Variants in ZFYVE28 observed in about 807,000 individuals in gnomAD.
ZFYVE28 encodes lateral signaling target protein 2 homolog.
In ZFYVE28, 40 loss-of-function variants were observed where a neutral mutation model predicts 82.1. The ratio of observed to expected loss-of-function variants is 0.49; its 90% CI spans 0.38 to 0.63. ZFYVE28 has a LOEUF of 0.63. ZFYVE28 is among the 30% of genes least tolerant of loss of function. The pLI is 0.00. For missense variants in ZFYVE28, 1,321 were observed against 1,242.1 expected (o/e 1.06, Z -0.96); for synonymous variants, 612 against 546.1 (o/e 1.12, Z -1.68).
intron 7 of ZFYVE28, among the ~76,000 whole-genome samples, chr4:2,305,958 C>T (rs1716508213): frequency 6.6e-6 from 1 of 152,348 alleles, no homozygotes; most frequent in South Asian, 2.1e-4. Context: ...GAGCTGGGTA[C>T]CAGGACACGA....
intron 1 of ZFYVE28, among the ~76,000 whole-genome samples, chr4:2,373,689 C>T (rs562631330): frequency 9.2e-5 from 14 of 152,220 alleles, no homozygotes; most frequent in Non-Finnish European, 1.8e-4. Flanking sequence ...CAAACATGCA[C>T]TCGTATGCCC....
rs1373327861 is a variant in ZFYVE28 at position 2,409,137 on chromosome 4, A to G, written c.39+9148T>C. Among the ~76,000 whole-genome samples the G allele has an allele frequency of 1.4e-5, 2 of 146,508 alleles. No homozygotes were observed. Among genetic ancestry groups the G allele is most frequent in the Non-Finnish European group, 3.0e-5 (2 of 66,870 alleles). ...GTGGAGTTGCATGGCCATCAAACAC[A>G]CTGTCCAAACCCCTACTTCTGCACC... On this transcript the variant is annotated intron_variant, in intron 1 of 12. Transcript: ENST00000290974. The surrounding 1 kb of genome is among the most constrained non-coding windows in gnomAD (Gnocchi z 4.4).
Position 2,283,515 on chromosome 4 carries a change from C to T in ZFYVE28, c.2052-9299G>A, listed in dbSNP as rs1424239673. On this transcript the variant is annotated intron_variant, in intron 8 of 12. Coordinates refer to ENST00000290974, the MANE Select transcript of ZFYVE28 (RefSeq NM_020972.3). ...TTTGCCATCCATCCATCCACCCACC[C>T]ATCCATCTAATCATCAGTCCATCCA... 3.3e-5 allele frequency among the ~76,000 whole-genome samples: 5 copies of T among 151,474 alleles called. No individual in the cohort carries two copies. In the East Asian group the frequency reaches 9.7e-4, roughly 30 times the overall value.
At chr4:2,278,219 C>CTTTTTTT (rs58136968) in intron 8 of ZFYVE28, among the ~76,000 whole-genome samples, 1 of 136,938 alleles carries the variant, frequency 7.3e-6, no homozygotes, top group African/African-American at 2.8e-5. Context: ...AAGATTCTCT[C>CTTTTTTT]TTTTTTTTTT....
rs1452215433 is a variant in ZFYVE28 at position 2,332,034 on chromosome 4, G to A, written c.701+3671C>T. Among the ~76,000 whole-genome samples, 2 of 152,216 alleles carry A rather than the reference G, an allele frequency of 1.3e-5. No individual in the cohort carries two copies. Among genetic ancestry groups the A allele is most frequent in the Non-Finnish European group, 2.9e-5 (2 of 68,026 alleles). On this transcript the variant is annotated intron_variant, in intron 6 of 12. Coordinates refer to ENST00000290974, the MANE Select transcript of ZFYVE28 (RefSeq NM_020972.3). This position sits in a 1 kb window ranked among gnomAD's most constrained non-coding sequence, Gnocchi z 4.7. ...ACTGGGAGCCCCTCAGAAGGGGACGGGAGCCTGGCCCGCAGCTCATGCTTG... is the reference window on the plus strand; with the variant it reads ...ACTGGGAGCCCCTCAGAAGGGGACGAGAGCCTGGCCCGCAGCTCATGCTTG...
At chr4:2,383,079 G>C (rs982423416) in intron 1 of ZFYVE28, among the ~76,000 whole-genome samples, 1 of 152,080 alleles carries the variant, frequency 6.6e-6, no homozygotes. Context: ...CGACTTTGGC[G>C]GGGAAACAGC....
chr4:2,401,764 A>G (rs1030498453), intron 1 of ZFYVE28, among the ~76,000 whole-genome samples: 1 of 152,336 alleles, frequency 6.6e-6, no homozygotes, highest in Admixed American at 6.5e-5. Context: ...GGTGCAGAGC[A>G]GAGGCCACAG....
intron 1 of ZFYVE28, among the ~76,000 whole-genome samples, chr4:2,380,299 C>T (rs1401916276): frequency 6.6e-6 from 1 of 152,096 alleles, no homozygotes; most frequent in African/African-American, 2.4e-5. Flanking sequence ...GCTGTTCCTG[C>T]GTTTTGACTT....
chr4:2,300,248 GA>G lies in ZFYVE28; in HGVS notation c.2051+4040del, dbSNP rs1172164207. On this transcript the variant is annotated intron_variant, in intron 8 of 12. Coordinates refer to ENST00000290974, the MANE Select transcript of ZFYVE28 (RefSeq NM_020972.3). This position sits in a 1 kb window ranked among gnomAD's most constrained non-coding sequence, Gnocchi z 4.6. Reference sequence around the variant, plus strand: ...AAGGAACAGACAACCAGCCTGAGTGGACTTTCTGTCATCTAGACAAGTAACT... The same window carrying G: ...AAGGAACAGACAACCAGCCTGAGTGGCTTTCTGTCATCTAGACAAGTAACT... Among the ~76,000 whole-genome samples the G allele has an allele frequency of 6.6e-6, 1 of 152,184 alleles. No homozygotes were observed. Among genetic ancestry groups the G allele is most frequent in the Non-Finnish European group, 1.5e-5 (1 of 68,018 alleles).
At chr4:2,392,471 A>C (rs557015012) in intron 1 of ZFYVE28, among the ~76,000 whole-genome samples, 3 of 152,338 alleles carry the variant, frequency 2.0e-5, no homozygotes, top group African/African-American at 7.2e-5. Flanking sequence ...ATCATGTTAC[A>C]TTACGTCTTC....
intron 1 of ZFYVE28, among the ~76,000 whole-genome samples, chr4:2,393,928 G>A (rs1730110501): frequency 1.3e-5 from 2 of 152,246 alleles, no homozygotes; most frequent in Non-Finnish European, 2.9e-5. Flanking sequence ...CTGGAGGACA[G>A]AATTCCAGCC....
At chr4:2,393,086 G>A (rs536895426) in intron 1 of ZFYVE28, among the ~76,000 whole-genome samples, 1 of 152,314 alleles carries the variant, frequency 6.6e-6, no homozygotes, top group African/African-American at 2.4e-5. Flanking sequence ...CCCCTCCTTT[G>A]AGGACGCTGT....
At chr4:2,331,258 G>A (rs942830810) in intron 6 of ZFYVE28, among the ~76,000 whole-genome samples, 5 of 152,046 alleles carry the variant, frequency 3.3e-5, no homozygotes, top group Admixed American at 6.6e-5. Context: ...AAGCCGCAGC[G>A]AGGCGGGCAG....
intron 6 of ZFYVE28, among the ~76,000 whole-genome samples, chr4:2,334,357 C>G (rs1161084090): frequency 6.6e-6 from 1 of 152,016 alleles, no homozygotes; most frequent in Admixed American, 6.5e-5. Flanking sequence ...CCATTGCTCC[C>G]CACTCCAACA....
intron 1 of ZFYVE28, among the ~76,000 whole-genome samples, chr4:2,377,110 C>T (rs1230586579): frequency 6.6e-6 from 1 of 151,924 alleles, no homozygotes; most frequent in Non-Finnish European, 1.5e-5. Context: ...CAAGCTCCAC[C>T]TCCCGGGTTC....
chr4:2,384,607 A>T (rs1245653317), intron 1 of ZFYVE28, among the ~76,000 whole-genome samples: 1 of 152,128 alleles, frequency 6.6e-6, no homozygotes, highest in Non-Finnish European at 1.5e-5. Flanking sequence ...GGGGGAGCAG[A>T]AGCACAGAGG....
intron 7 of ZFYVE28, chr4:2,306,972 G>C (rs1031050509): frequency 6.6e-6 from 1 of 152,278 alleles, no homozygotes; most frequent in Non-Finnish European, 1.5e-5. Context: ...GCACACATGG[G>C]GTGGGACTGC....
chr4:2,398,537 A>C (rs936495240), intron 1 of ZFYVE28, among the ~76,000 whole-genome samples: 8 of 152,180 alleles, frequency 5.3e-5, no homozygotes, highest in Non-Finnish European at 1.0e-4. Context: ...GAAGCTCTTG[A>C]GAAGGAAAAT....
rs1026129700 is a variant in ZFYVE28, at chr4:2,341,356, C to T, written c.318+122G>A. 1.8e-5 allele frequency: 24 copies of T among 1,364,704 alleles called. No homozygotes were observed. The highest frequency in any genetic ancestry group is 1.1e-4 in the African/African-American group (8 of 69,636). The allele number at this position is 1,364,704 out of a possible 1,614,324, so 84.5% of individuals were successfully genotyped here. On this transcript the variant is annotated intron_variant, in intron 3 of 12. Transcript: ENST00000290974. The surrounding 1 kb of genome is among the most constrained non-coding windows in gnomAD (Gnocchi z 4.5). Reference sequence around the variant, plus strand: ...ACCACACCACGTAACCCAGAGTGGACGGAGCTCTTGGAGGAGACACCAGGT... The same window carrying T: ...ACCACACCACGTAACCCAGAGTGGATGGAGCTCTTGGAGGAGACACCAGGT...
Sources: allele counts gnomAD v4.1 joint callset (sites outside exome capture counted in the v4.1 genomes callset), GRCh38; gene constraint gnomAD v4.1.1; non-coding constraint Gnocchi (gnomAD v3.1); transcripts MANE v1.5; gene names NCBI Gene and HGNC (gene_info 2026-07-23, HGNC 2026-07-21).